Variants in ZNF562 observed in about 807,000 individuals in gnomAD.
The protein encoded by ZNF562 is zinc finger protein 562.
Under a neutral mutation model 17.5 loss-of-function variants are expected in ZNF562, and 13 were observed. The ratio of observed to expected loss-of-function variants is 0.74; its 90% CI spans 0.48 to 1.18. The LOEUF (loss-of-function observed/expected upper bound fraction) is 1.18, where lower values mean the gene tolerates loss of function less well. ZNF562 is among the 50% of genes most tolerant of loss of function. ZNF562 has a pLI of 0.00. For missense variants in ZNF562, 481 were observed against 498.5 expected, an observed-to-expected ratio of 0.96 and a Z score of 0.33; for synonymous variants, 163 against 165.4, an observed-to-expected ratio of 0.99 and a Z score of 0.11.
At chr19:9,658,270 T>C (rs755612224) in intron 3 of ZNF562, 135 bp from the exon 4 acceptor site, 8 of 1,361,692 alleles carry the variant, frequency 5.9e-6, no homozygotes, top group Non-Finnish European at 5.7e-6. Context: ...CAGGGTTTAA[T>C]GTCTCAGGAG....
At position 9,644,049 on chromosome 19, in the gene ZNF562, T is replaced by G. The variant is rs1050828430; in HGVS notation, c.*8900A>C. On this transcript the variant is annotated 3_prime_UTR_variant, in exon 6 of 6. Transcript: ENST00000453372. ...ACCTTGTGATCCACCTGCCTCAGCC[T>G]CCCAAAGTGCTGGGATTACAGGCAT... 1.3e-5 allele frequency: 2 copies of G among 152,118 alleles called. No individual in the cohort carries two copies. The highest frequency in any genetic ancestry group is 2.9e-5 in the Non-Finnish European group (2 of 68,018). 9.4% of individuals were successfully genotyped at this position (152,118 alleles called of 1,614,324 possible).
intron 4 of ZNF562, 83 bp downstream of exon 4, chr19:9,657,926 A>G: frequency 6.7e-7 from 1 of 1,495,088 alleles, no homozygotes; most frequent in Non-Finnish European, 9.0e-7. Flanking sequence ...CCCAGGCTCC[A>G]GCGATTCTCC....
intron 1 of ZNF562, among the ~76,000 whole-genome samples, 172 bp from the exon 2 acceptor site, chr19:9,661,046 G>A (rs573310675): frequency 6.6e-6 from 1 of 152,310 alleles, no homozygotes; most frequent in East Asian, 1.9e-4. Context: ...TTGAGGACTA[G>A]TATGTCAGAA....
intron 1 of ZNF562, among the ~76,000 whole-genome samples, chr19:9,671,106 A>G (rs1445821937): frequency 6.6e-6 from 1 of 152,212 alleles, no homozygotes; most frequent in Non-Finnish European, 1.5e-5. Flanking sequence ...ATACGCATCT[A>G]TCATACATTT....
intron 1 of ZNF562, among the ~76,000 whole-genome samples, chr19:9,673,941 C>T (rs2044303283): frequency 6.6e-6 from 1 of 151,620 alleles, no homozygotes; most frequent in Non-Finnish European, 1.5e-5. Flanking sequence ...AGTTTTCATG[C>T]CACAAAAAAA....
chr19:9,669,933 G>A (rs1255841111), intron 1 of ZNF562, among the ~76,000 whole-genome samples: 1 of 151,994 alleles, frequency 6.6e-6, no homozygotes, highest in Admixed American at 6.6e-5. Context: ...ATGGTGGCGT[G>A]CACCTGTAGT....
At chr19:9,674,806 G>A (rs1332250177) in intron 1 of ZNF562, 2 of 152,280 alleles carry the variant, frequency 1.3e-5, no homozygotes, top group Non-Finnish European at 2.9e-5. Flanking sequence ...GAAAACACCC[G>A]GCGGAGGCGG....
In ZNF562 at chr19:9,669,667, G is replaced by A. The variant is rs571063287; in HGVS notation, c.-131+5348C>T. 4.8e-4 allele frequency among the ~76,000 whole-genome samples: 71 copies of A among 148,892 alleles called. 1 individual carries two copies. Among genetic ancestry groups the A allele is most frequent in the Non-Finnish European group, 8.6e-4 (58 of 67,334 alleles). ...AACACCTGTCTGTACACACATGCAC[G>A]CACAAAACCTGTCTGAAACTGGCAA... On this transcript the variant is annotated intron_variant, in intron 1 of 5. Transcript: ENST00000453372.
chr19:9,641,816 C>G lies in ZNF562; in HGVS notation c.*11133G>C, dbSNP rs1456260461. 1.3e-5 allele frequency: 2 copies of G among 152,172 alleles called. No homozygotes were observed. Among genetic ancestry groups the G allele is most frequent in the Non-Finnish European group, 2.9e-5 (2 of 68,040 alleles). 9.4% of individuals were successfully genotyped at this position (152,172 alleles called of 1,614,324 possible). On this transcript the variant is annotated 3_prime_UTR_variant, in exon 6 of 6. Coordinates refer to ENST00000453372, the MANE Select transcript of ZNF562 (RefSeq NM_001130031.2). ...CACCTAGCAGGCTTTGTGCGAGCAA[C>G]AATGGCTGTGTATTACATCCGGATG...
chr19:9,661,631 T>C (rs1424989063), intron 1 of ZNF562, among the ~76,000 whole-genome samples: 1 of 152,078 alleles, frequency 6.6e-6, no homozygotes, highest in Admixed American at 6.6e-5. Flanking sequence ...CTGTCTCTAC[T>C]AAAAATAGAA....
chr19:9,665,799 G>C (rs1163661747), intron 1 of ZNF562, among the ~76,000 whole-genome samples: 2 of 152,110 alleles, frequency 1.3e-5, no homozygotes, highest in Non-Finnish European at 2.9e-5. Flanking sequence ...TGGATGGCTT[G>C]AGCTCAGGAG....
In ZNF562 at chr19:9,658,121, A is replaced by T. The variant is rs762644343; in HGVS notation, c.129T>A (p.Phe43Leu). ...RSNSYQDSVT[F>L]DDVAVEFTPE... The stretch of plus-strand genomic sequence containing the variant: ...GGGTGAACTCCACAGCCACATCATC[A>T]AACGTCACTGAATCCTAAGTCATCA... The change falls in exon 4 of 6, where the codon TTT becomes TTA. Residue 43 changes from phenylalanine (F) to leucine (L), a missense_variant. By Grantham distance (22) the Phe-to-Leu change is conservative (BLOSUM62 0). Transcript: ENST00000453372. The T allele has an allele frequency of 6.2e-7, 1 of 1,613,498 alleles. No individual in the cohort carries two copies. The highest frequency in any genetic ancestry group is 8.5e-7 in the Non-Finnish European group (1 of 1,179,688).
rs1415465393 is a variant in ZNF562, at chr19:9,642,197, C to CG, written c.*10751dup. 3.4e-5 allele frequency: 5 copies of CG among 148,884 alleles called. No individual in the cohort carries two copies. In the East Asian group the frequency reaches 9.9e-4, roughly 29 times the overall value. 9.2% of individuals were successfully genotyped at this position (148,884 alleles called of 1,614,324 possible). A position where few individuals can be genotyped will look rare whatever the true frequency, so the allele number is the denominator to read the frequency against. On this transcript the variant is annotated 3_prime_UTR_variant, in exon 6 of 6. Coordinates refer to ENST00000453372, the MANE Select transcript of ZNF562 (RefSeq NM_001130031.2). ...ATCACAAAGTACATTATCACAAGGGCGGGGGGATGTCACAATGGCTTGACC... is the reference window on the plus strand; with the variant it reads ...ATCACAAAGTACATTATCACAAGGGCGGGGGGGATGTCACAATGGCTTGACC...
rs2074819545 is a variant in ZNF562 at position 9,647,854 on chromosome 19, A to AG, written c.*5094_*5095insC. ...CAACGAGTGAAACACTAACTCAAAA[A>AG]CAAAGAAACAAACACCAACTCAAAA... On this transcript the variant is annotated 3_prime_UTR_variant, in exon 6 of 6. Coordinates refer to ENST00000453372, the MANE Select transcript of ZNF562 (RefSeq NM_001130031.2). 1 of 152,236 alleles carries AG rather than the reference A, an allele frequency of 6.6e-6. No individual in the cohort carries two copies. Among genetic ancestry groups the AG allele is most frequent in the Admixed American group, 6.6e-5 (1 of 15,260 alleles). 9.4% of individuals were successfully genotyped at this position (152,236 alleles called of 1,614,324 possible).
In ZNF562 at chr19:9,649,776, C is replaced by G. The variant is rs1478787805; in HGVS notation, c.*3173G>C. 1 of 152,222 alleles carries G rather than the reference C, an allele frequency of 6.6e-6. No homozygotes were observed. The highest frequency in any genetic ancestry group is 2.4e-5 in the African/African-American group (1 of 41,454). The allele number at this position is 152,222 out of a possible 1,614,324, so 9.4% of individuals were successfully genotyped here. On this transcript the variant is annotated 3_prime_UTR_variant, in exon 6 of 6. Transcript: ENST00000453372. ...TTGGTCCTGTGATCTCGCCCTGCCT[C>G]CACTTGCCTTGTGATATTCTATTAC...
chr19:9,654,257 G>A lies in ZNF562; in HGVS notation c.349-376C>T, dbSNP rs565808603. 2.0e-5 allele frequency among the ~76,000 whole-genome samples: 3 copies of A among 151,964 alleles called. No individual in the cohort carries two copies. The South Asian group carries it at 6.2e-4, about 32-fold the overall frequency. ...CTGCCTGTCTTGGCCTCCCAAAGTG[G>A]TAAGATTACAGGCGTGACCCACCAT... On this transcript the variant is annotated intron_variant, in intron 5 of 5. Transcript: ENST00000453372.
chr19:9,663,624 G>A (rs1351816554), intron 1 of ZNF562, among the ~76,000 whole-genome samples: 2 of 151,926 alleles, frequency 1.3e-5, no homozygotes, highest in East Asian at 3.9e-4. Context: ...TTATCGCCCA[G>A]GCTAGACTGC....
In ZNF562 at chr19:9,656,709, T is replaced by C; in HGVS notation, c.242-56A>G. On this transcript the variant is annotated intron_variant, in intron 4 of 5. Transcript: ENST00000453372. ...TAAAATTAGTCATTTGTCCTTGTTTTCAAATTAAACACAGTATGAAAATAA... is the reference window on the plus strand; with the variant it reads ...TAAAATTAGTCATTTGTCCTTGTTTCCAAATTAAACACAGTATGAAAATAA... 1.9e-6 allele frequency: 3 copies of C among 1,557,676 alleles called. No individual in the cohort carries two copies. The South Asian group carries it at 3.4e-5, about 17-fold the overall frequency.
chr19:9,669,705 T>TGC (rs1491415624), intron 1 of ZNF562, among the ~76,000 whole-genome samples: 6 of 102,996 alleles, frequency 5.8e-5, no homozygotes, highest in South Asian at 2.9e-4. Flanking sequence ...CCTGTCTGCA[T>TGC]GCACGCGCGC....
Sources: allele counts gnomAD v4.1 joint callset (sites outside exome capture counted in the v4.1 genomes callset), GRCh38; gene constraint gnomAD v4.1.1; transcripts MANE v1.5; gene names NCBI Gene and HGNC (gene_info 2026-07-23, HGNC 2026-07-21).